Variants in NUBPL observed in about 807,000 individuals in gnomAD.
The protein encoded by NUBPL is iron-sulfur cluster transfer protein NUBPL.
Under a neutral mutation model 45.7 loss-of-function variants are expected in NUBPL, and 31 were observed. The observed-to-expected ratio is 0.68, with a 90% CI of 0.51 to 0.92. NUBPL has a LOEUF of 0.92. Among genes scored for constraint, NUBPL ranks in the 40% least tolerant of loss-of-function variants. The pLI is 0.00. For synonymous variants in NUBPL, 144 were observed against 140.9 expected (o/e 1.02, Z -0.15); for missense variants, 401 against 398.7 (o/e 1.01, Z -0.05).
chr14:31,688,141 G>A (rs2036997659), intron 6 of NUBPL, among the ~76,000 whole-genome samples: 1 of 152,146 alleles, frequency 6.6e-6, no homozygotes, highest in Non-Finnish European at 1.5e-5. Flanking sequence ...GATAGCTGAA[G>A]AATCTAAAGG....
chr14:31,711,098 G>A (rs980182319), intron 6 of NUBPL, among the ~76,000 whole-genome samples: 5 of 152,230 alleles, frequency 3.3e-5, no homozygotes, highest in Admixed American at 6.5e-5. Context: ...AGATAGGATA[G>A]ATGGGTGAGT....
intron 6 of NUBPL, among the ~76,000 whole-genome samples, chr14:31,727,269 T>A (rs1022493185): frequency 1.3e-5 from 2 of 152,234 alleles, no homozygotes; most frequent in African/African-American, 4.8e-5. Context: ...TGTTTTGAAA[T>A]ATGATGAATT....
At chr14:31,812,710 C>T (rs12431604) in intron 7 of NUBPL, among the ~76,000 whole-genome samples, 151,410 of 152,286 alleles carry the variant, frequency 0.99, 75,276 homozygotes, top group Middle Eastern at 1. Flanking sequence ...TCACCCATCT[C>T]CTGTGTGGAT....
At chr14:31,636,090 C>G (rs543885046) in intron 4 of NUBPL, among the ~76,000 whole-genome samples, 2 of 151,734 alleles carry the variant, frequency 1.3e-5, no homozygotes, top group Admixed American at 6.6e-5. Context: ...ATTTCCTTCT[C>G]CTGCCTAATT....
chr14:31,690,561 G>A (rs1349631001), intron 6 of NUBPL, among the ~76,000 whole-genome samples: 1 of 152,088 alleles, frequency 6.6e-6, no homozygotes, highest in Non-Finnish European at 1.5e-5. Flanking sequence ...GATACTCTAT[G>A]GAAAGGATTG....
chr14:31,603,569 G>A (rs914802111), intron 4 of NUBPL, among the ~76,000 whole-genome samples: 3 of 152,124 alleles, frequency 2.0e-5, no homozygotes, highest in Non-Finnish European at 4.4e-5. Context: ...AGTTAATTCA[G>A]CATTGCTTAC....
intron 8 of NUBPL, among the ~76,000 whole-genome samples, chr14:31,839,826 C>T (rs779994752): frequency 1.3e-5 from 2 of 152,086 alleles, no homozygotes; most frequent in Admixed American, 6.6e-5. Flanking sequence ...AAATGGCCAA[C>T]AGGTATGTGA....
At chr14:31,766,097 C>T (rs1033181372) in intron 6 of NUBPL, among the ~76,000 whole-genome samples, 6 of 152,172 alleles carry the variant, frequency 3.9e-5, no homozygotes, top group African/African-American at 1.4e-4. Flanking sequence ...TATCTCAAAG[C>T]ACACACAAAT....
chr14:31,666,263 A>ATATATTTATTATTT, intron 4 of NUBPL, among the ~76,000 whole-genome samples: 1,288 of 111,662 alleles, frequency 0.012, 58 homozygotes, highest in African/African-American at 0.038. Flanking sequence ...ATATATATAT[A>ATATATTTATTATTT]ATTTTATTTT....
intron 8 of NUBPL, among the ~76,000 whole-genome samples, chr14:31,832,315 T>C (rs561182558): frequency 6.6e-6 from 1 of 152,250 alleles, no homozygotes; most frequent in South Asian, 2.1e-4. Context: ...ATGAATGTAA[T>C]TGACATTTTG....
intron 10 of NUBPL, among the ~76,000 whole-genome samples, chr14:31,857,937 T>C (rs1220834099): frequency 1.3e-5 from 2 of 152,226 alleles, no homozygotes; most frequent in African/African-American, 4.8e-5. Flanking sequence ...TCGGGTATCT[T>C]TTCAGCAACG....
At chr14:31,737,871 A>G (rs748297836) in intron 6 of NUBPL, among the ~76,000 whole-genome samples, 3 of 152,234 alleles carry the variant, frequency 2.0e-5, no homozygotes, top group Non-Finnish European at 4.4e-5. Context: ...GTATAAGAGT[A>G]TAGACAATTT....
At chr14:31,836,446 G>A (rs760947735) in intron 8 of NUBPL, among the ~76,000 whole-genome samples, 5 of 152,136 alleles carry the variant, frequency 3.3e-5, no homozygotes, top group African/African-American at 7.2e-5. Context: ...ATACACAATA[G>A]CTCTACAATA....
At chr14:31,660,862 T>C (rs1248011372) in intron 4 of NUBPL, among the ~76,000 whole-genome samples, 1 of 152,186 alleles carries the variant, frequency 6.6e-6, no homozygotes, top group Non-Finnish European at 1.5e-5. Flanking sequence ...CATAGTTGAT[T>C]CACGAACAAT....
chr14:31,696,906 C>T (rs1375461786), intron 6 of NUBPL, among the ~76,000 whole-genome samples: 5 of 151,956 alleles, frequency 3.3e-5, no homozygotes, highest in South Asian at 2.1e-4. Flanking sequence ...AAGAGAAAAA[C>T]GGAGTGTCTT....
intron 3 of NUBPL, chr14:31,577,896 A>G: frequency 8.4e-7 from 1 of 1,192,086 alleles, no homozygotes; most frequent in Non-Finnish European, 1.1e-6. Context: ...AAGTAATGTC[A>G]TTTCCTCCTC....
intron 7 of NUBPL, among the ~76,000 whole-genome samples, chr14:31,817,865 C>A (rs2039947739): frequency 6.6e-6 from 1 of 151,964 alleles, no homozygotes; most frequent in African/African-American, 2.4e-5. Context: ...TGCAGACTGT[C>A]AAATTGGATA....
intron 6 of NUBPL, among the ~76,000 whole-genome samples, chr14:31,737,183 A>G (rs1229903378): frequency 2.0e-5 from 3 of 152,058 alleles, no homozygotes; most frequent in Middle Eastern, 3.2e-3. Flanking sequence ...AAATTTTTCT[A>G]TTCAGATTTA....
chr14:31,595,544 A>G (rs1290403697), intron 3 of NUBPL, among the ~76,000 whole-genome samples: 1 of 152,232 alleles, frequency 6.6e-6, no homozygotes, highest in Non-Finnish European at 1.5e-5. Context: ...AAATTATTAT[A>G]GAAGGAGTAA....
Sources: gnomAD v4.1 joint callset for allele counts (sites outside exome capture counted in the v4.1 genomes callset) on GRCh38, gnomAD v4.1.1 for gene constraint, MANE v1.5 for transcripts, NCBI Gene and HGNC (gene_info 2026-07-23, HGNC 2026-07-21) for gene names.